CADM2: variants seen among roughly 807,000 people sequenced by gnomAD.
CADM2 encodes immunoglobulin superfamily member 4D.
Under a neutral mutation model 49.8 loss-of-function variants are expected in CADM2, and 12 were observed. That is an observed-to-expected ratio of 0.24 (90% confidence interval 0.15 to 0.39). The LOEUF (loss-of-function observed/expected upper bound fraction) is 0.39, where lower values mean the gene tolerates loss of function less well. Ranked by LOEUF, CADM2 falls within the 10% of genes least tolerant of loss-of-function variation. CADM2 has a pLI of 1.00. For synonymous variants in CADM2, 214 were observed against 175.4 expected (o/e 1.22, Z -1.74); for missense variants, 378 against 492.3 (o/e 0.77, Z 2.20).
chr3:85,312,247 TATG>T (rs942185235), intron 1 of CADM2, among the ~76,000 whole-genome samples: 3 of 152,230 alleles, frequency 2.0e-5, no homozygotes, highest in African/African-American at 7.2e-5. Flanking sequence ...ATGAATTAAT[TATG>T]ATAATAATTT....
chr3:84,960,042 G>C, intron 1 of CADM2: 1 of 341,904 alleles, frequency 2.9e-6, no homozygotes, highest in Non-Finnish European at 5.4e-6. Flanking sequence ...CCCACATCAC[G>C]CTCTTGAGCG....
At chr3:85,421,282 C>G (rs1292278959) in intron 1 of CADM2, among the ~76,000 whole-genome samples, 1 of 152,002 alleles carries the variant, frequency 6.6e-6, no homozygotes, top group East Asian at 1.9e-4. Flanking sequence ...AAAAATGGAG[C>G]AGTTAGTGTT....
intron 1 of CADM2, among the ~76,000 whole-genome samples, chr3:85,696,188 G>T (rs532288764): frequency 1.3e-5 from 2 of 152,036 alleles, no homozygotes; most frequent in Admixed American, 6.5e-5. Flanking sequence ...TAAATAGTTT[G>T]CAAATATTTT....
At chr3:85,789,792 G>A (rs140871789) in intron 2 of CADM2, among the ~76,000 whole-genome samples, 33 of 152,034 alleles carry the variant, frequency 2.2e-4, no homozygotes, top group East Asian at 1.5e-3. Flanking sequence ...CCATATATTC[G>A]TATTTATTCT....
At chr3:85,568,774 T>C (rs2062393327) in intron 1 of CADM2, among the ~76,000 whole-genome samples, 1 of 151,546 alleles carries the variant, frequency 6.6e-6, no homozygotes, top group African/African-American at 2.4e-5. Context: ...AACTAATTTT[T>C]TTTTTGTATT....
At chr3:85,051,504 A>G (rs1473125919) in intron 1 of CADM2, among the ~76,000 whole-genome samples, 1 of 152,206 alleles carries the variant, frequency 6.6e-6, no homozygotes, top group East Asian at 1.9e-4. Context: ...AACTGAAATG[A>G]ATATCCAAGA....
intron 1 of CADM2, among the ~76,000 whole-genome samples, chr3:85,084,414 C>T (rs1272805682): frequency 6.6e-6 from 1 of 152,124 alleles, no homozygotes; most frequent in Non-Finnish European, 1.5e-5. Flanking sequence ...ATCCAATTAT[C>T]ACCTTGAACA....
intron 2 of CADM2, among the ~76,000 whole-genome samples, chr3:85,758,377 A>G (rs997599173): frequency 4.6e-5 from 7 of 152,128 alleles, no homozygotes; most frequent in African/African-American, 7.2e-5. Flanking sequence ...TATAAACTCA[A>G]TGAGAAACAT....
intron 1 of CADM2, among the ~76,000 whole-genome samples, chr3:85,636,586 G>A (rs563941026): frequency 6.6e-6 from 1 of 152,188 alleles, no homozygotes; most frequent in South Asian, 2.1e-4. Context: ...CTACAGTAAT[G>A]TACAAGAATG....
intron 1 of CADM2, among the ~76,000 whole-genome samples, chr3:85,484,440 A>G (rs2039336152): frequency 6.6e-6 from 1 of 151,968 alleles, no homozygotes; most frequent in Non-Finnish European, 1.5e-5. Flanking sequence ...TCATGTCTAC[A>G]GTGCTTCTCC....
intron 1 of CADM2, among the ~76,000 whole-genome samples, chr3:85,138,290 A>G (rs2039477624): frequency 1.3e-5 from 2 of 152,100 alleles, no homozygotes; most frequent in Non-Finnish European, 2.9e-5. Context: ...CACTTTTCTC[A>G]AGAATGGGAA....
intron 1 of CADM2, among the ~76,000 whole-genome samples, chr3:85,603,132 T>C (rs1341269517): frequency 4.6e-5 from 7 of 151,928 alleles, no homozygotes; most frequent in Non-Finnish European, 7.4e-5. Context: ...TTCATGTTTG[T>C]ATTCTTAGCA....
chr3:85,623,137 C>T (rs2064025184), intron 1 of CADM2, among the ~76,000 whole-genome samples: 1 of 152,106 alleles, frequency 6.6e-6, no homozygotes, highest in Admixed American at 6.6e-5. Flanking sequence ...GAGCTGTGGA[C>T]AAAATGTCAC....
intron 1 of CADM2, among the ~76,000 whole-genome samples, chr3:85,545,283 T>A (rs2061643879): frequency 1.3e-5 from 2 of 152,204 alleles, no homozygotes; most frequent in Non-Finnish European, 2.9e-5. Context: ...AAAAAACAAT[T>A]GTAATGACTA....
chr3:84,968,249 G>T (rs12485289), intron 1 of CADM2, among the ~76,000 whole-genome samples: 1 of 151,730 alleles, frequency 6.6e-6, no homozygotes, highest in Admixed American at 6.6e-5. Flanking sequence ...TCCACTGAGA[G>T]GATCTAATTA....
chr3:85,323,580 A>C (rs2044672088), intron 1 of CADM2, among the ~76,000 whole-genome samples: 1 of 152,160 alleles, frequency 6.6e-6, no homozygotes, highest in African/African-American at 2.4e-5. Flanking sequence ...CCTTAAATAT[A>C]TGTTCAAAAC....
chr3:85,278,717 CTTGTGTGT>C (rs1484119175), intron 1 of CADM2, among the ~76,000 whole-genome samples: 12 of 83,420 alleles, frequency 1.4e-4, no homozygotes, highest in African/African-American at 6.2e-4. Flanking sequence ...TGCTGATGTT[CTTGTGTGT>C]GTGTGTGTGT....
intron 1 of CADM2, among the ~76,000 whole-genome samples, chr3:85,664,728 T>C (rs1442630017): frequency 6.6e-6 from 1 of 152,000 alleles, no homozygotes; most frequent in African/African-American, 2.4e-5. Flanking sequence ...ATCTTTCCAT[T>C]GTCTTCCAAC....
intron 1 of CADM2, among the ~76,000 whole-genome samples, chr3:85,682,825 AG>A: frequency 6.6e-6 from 1 of 152,104 alleles, no homozygotes; most frequent in East Asian, 1.9e-4. Context: ...ATATTGTTTC[AG>A]GGGGACTATA....
Sources: gnomAD v4.1 joint callset for allele counts (sites outside exome capture counted in the v4.1 genomes callset) on GRCh38, gnomAD v4.1.1 for gene constraint, MANE v1.5 for transcripts, NCBI Gene and HGNC (gene_info 2026-07-23, HGNC 2026-07-21) for gene names.